NMU: variants seen among roughly 807,000 people sequenced by gnomAD.
NMU encodes the protein neuromedin-U.
Under a neutral mutation model 35.4 loss-of-function variants are expected in NMU, and 29 were observed. The observed-to-expected ratio is 0.82, with a 90% CI of 0.61 to 1.12. The LOEUF (loss-of-function observed/expected upper bound fraction) is 1.12. Among genes scored for constraint, NMU ranks in the 50% most tolerant of loss-of-function variants. NMU has a pLI of 0.00. For missense variants in NMU, 199 were observed against 206.2 expected, an observed-to-expected ratio of 0.97 and a Z score of 0.21; for synonymous variants, 78 against 81.3, an observed-to-expected ratio of 0.96 and a Z score of 0.22.
intron 1 of NMU, among the ~76,000 whole-genome samples, chr4:55,632,032 A>G (rs10011137): frequency 0.55 from 84,181 of 152,088 alleles, 23,814 homozygotes; most frequent in East Asian, 0.68. Flanking sequence ...GGATGGAGCC[A>G]GAGGCCATTA....
At chr4:55,610,204 T>G (rs1466897584) in intron 3 of NMU, among the ~76,000 whole-genome samples, 1 of 152,176 alleles carries the variant, frequency 6.6e-6, no homozygotes, top group Non-Finnish European at 1.5e-5. Context: ...GGCTCACGCC[T>G]GTAATGCCAG....
chr4:55,634,871 C>T (rs576085629), intron 1 of NMU, among the ~76,000 whole-genome samples: 65 of 151,378 alleles, frequency 4.3e-4, no homozygotes, highest in African/African-American at 1.5e-3. Context: ...GGGAGTCTCT[C>T]TTTCTGTCTC....
intron 3 of NMU, among the ~76,000 whole-genome samples, chr4:55,615,403 G>A (rs914638364): frequency 6.6e-6 from 1 of 152,178 alleles, no homozygotes. Context: ...AAAGCTCAGA[G>A]TCACTGTCTG....
intron 3 of NMU, among the ~76,000 whole-genome samples, chr4:55,615,754 C>A (rs1323132834): frequency 6.6e-6 from 1 of 151,994 alleles, no homozygotes; most frequent in Non-Finnish European, 1.5e-5. Flanking sequence ...AAATCTAGTA[C>A]CCAATAGTTA....
chr4:55,612,404 A>C (rs956917555), intron 3 of NMU, among the ~76,000 whole-genome samples: 1 of 152,226 alleles, frequency 6.6e-6, no homozygotes, highest in Non-Finnish European at 1.5e-5. Context: ...TATCTCTAAA[A>C]ACAAAAACAA....
intron 7 of NMU, among the ~76,000 whole-genome samples, chr4:55,601,286 A>G (rs1340035155): frequency 6.6e-6 from 1 of 152,120 alleles, no homozygotes; most frequent in African/African-American, 2.4e-5. Context: ...ATTTTCATTA[A>G]CAATTACCTA....
At chr4:55,618,676 TTTCTTCTC>T (rs1734212093) in intron 2 of NMU, among the ~76,000 whole-genome samples, 1 of 146,648 alleles carries the variant, frequency 6.8e-6, no homozygotes, top group Admixed American at 6.8e-5. Flanking sequence ...TCTCTCTTCC[TTTCTTCTC>T]TCTTTCTTCT....
chr4:55,627,392 A>G (rs1734575976), intron 2 of NMU, among the ~76,000 whole-genome samples: 1 of 116,318 alleles, frequency 8.6e-6, no homozygotes, highest in Non-Finnish European at 1.9e-5. Context: ...GTTAAATTTT[A>G]AAGTTTTTTT....
chr4:55,631,227 A>G (rs1272016985), intron 1 of NMU, among the ~76,000 whole-genome samples: 4 of 152,168 alleles, frequency 2.6e-5, no homozygotes, highest in Non-Finnish European at 5.9e-5. Context: ...CAATTCTAGA[A>G]GGTCCATTGG....
chr4:55,630,521 C>T, intron 1 of NMU, 61 bp from the exon 2 acceptor site: 1 of 1,263,244 alleles, frequency 7.9e-7, no homozygotes, highest in Non-Finnish European at 1.2e-6. Flanking sequence ...ATTAAATATC[C>T]ATATATAATT....
chr4:55,633,261 C>T (rs1715717970), intron 1 of NMU, among the ~76,000 whole-genome samples: 1 of 150,474 alleles, frequency 6.6e-6, no homozygotes, highest in Non-Finnish European at 1.5e-5. Flanking sequence ...GGAGGCGGAG[C>T]TTGCAGTGAG....
intron 2 of NMU, among the ~76,000 whole-genome samples, chr4:55,629,731 C>A (rs1321244334): frequency 6.6e-6 from 1 of 151,180 alleles, no homozygotes; most frequent in Admixed American, 6.6e-5. Flanking sequence ...ATGATTATGT[C>A]GTTGTTATAG....
At chr4:55,612,480 T>C (rs1038331413) in intron 3 of NMU, among the ~76,000 whole-genome samples, 4 of 152,302 alleles carry the variant, frequency 2.6e-5, no homozygotes, top group Middle Eastern at 3.4e-3. Context: ...TACCCAGTGA[T>C]GTCATGTGTC....
chr4:55,624,170 G>T (rs567046474), intron 2 of NMU, among the ~76,000 whole-genome samples: 3,493 of 148,416 alleles, frequency 0.024, 141 homozygotes, highest in African/African-American at 0.083. Flanking sequence ...TGACAAATGG[G>T]ATCTAATTAA....
chr4:55,606,772 G>A (rs1733697951), intron 6 of NMU, among the ~76,000 whole-genome samples: 1 of 151,412 alleles, frequency 6.6e-6, no homozygotes, highest in Non-Finnish European at 1.5e-5. Context: ...CCACCTCCTG[G>A]GTACAAGCAA....
chr4:55,597,051 C>T (rs1733211578), intron 9 of NMU, among the ~76,000 whole-genome samples: 1 of 152,090 alleles, frequency 6.6e-6, no homozygotes, highest in Non-Finnish European at 1.5e-5. Context: ...CGTTGAACAA[C>T]CATCCTTGAG....
intron 7 of NMU, among the ~76,000 whole-genome samples, chr4:55,604,084 G>A (rs1311125335): frequency 2.0e-5 from 1 of 49,680 alleles, no homozygotes; most frequent in Non-Finnish European, 4.1e-5. Flanking sequence ...TTTTTTTTTC[G>A]AGACAGAGTC....
At chr4:55,627,313 C>T (rs937710975) in intron 2 of NMU, among the ~76,000 whole-genome samples, 2 of 151,742 alleles carry the variant, frequency 1.3e-5, no homozygotes, top group South Asian at 2.1e-4. Flanking sequence ...CAAGTTCCCA[C>T]GAGTAGCTGT....
At chr4:55,631,615 TAACAC>T (rs1343586756) in intron 1 of NMU, among the ~76,000 whole-genome samples, 2 of 151,986 alleles carry the variant, frequency 1.3e-5, no homozygotes, top group African/African-American at 4.8e-5. Context: ...AACCACAAGA[TAACAC>T]CTTACTCCTG....
Sources: gnomAD v4.1 joint callset for allele counts (sites outside exome capture counted in the v4.1 genomes callset) on GRCh38, gnomAD v4.1.1 for gene constraint, MANE v1.5 for transcripts, NCBI Gene and HGNC (gene_info 2026-07-23, HGNC 2026-07-21) for gene names.